The following CADPS2 variants were observed in gnomAD, a reference collection of about 807,000 sequenced individuals.
The protein encoded by CADPS2 is calcium-dependent secretion activator 2.
A neutral mutation model predicts 172.5 loss-of-function variants in CADPS2; 93 were observed. The ratio of observed to expected loss-of-function variants is 0.54; its 90% CI spans 0.46 to 0.64. The LOEUF is 0.64. Ranked by LOEUF, CADPS2 falls within the 30% of genes least tolerant of loss-of-function variation. The pLI, the probability that CADPS2 is intolerant of heterozygous loss-of-function variation, is 0.00. For synonymous variants in CADPS2, 546 were observed against 555.2 expected (o/e 0.98, Z 0.23); for missense variants, 1,420 against 1,565.9 (o/e 0.91, Z 1.57).
intron 2 of CADPS2, among the ~76,000 whole-genome samples, chr7:122,719,589 G>A (rs2090122191): frequency 6.6e-6 from 1 of 152,102 alleles, no homozygotes; most frequent in African/African-American, 2.4e-5. Context: ...TATTCTTGAA[G>A]GTTCTTCACA....
Position 122,502,729 on chromosome 7 carries a change from C to T in CADPS2, c.1542+10520G>A, listed in dbSNP as rs192696131. 9.2e-5 allele frequency among the ~76,000 whole-genome samples: 14 copies of T among 152,072 alleles called. No individual in the cohort carries two copies. The East Asian group carries it at 1.9e-3, about 21-fold the overall frequency. ...TTACAAGAATAAAATAAACCATATG[C>T]GTTTATTTCATTATTATTCTAATTC... On this transcript the variant is annotated intron_variant, in intron 9 of 29. Coordinates refer to ENST00000449022, the MANE Select transcript of CADPS2 (RefSeq NM_017954.11).
At chr7:122,491,623 T>A (rs536080610) in intron 9 of CADPS2, among the ~76,000 whole-genome samples, 1 of 152,174 alleles carries the variant, frequency 6.6e-6, no homozygotes, top group Admixed American at 6.5e-5. Context: ...GGGTCTTCTA[T>A]GCCTATGATC....
intron 14 of CADPS2, among the ~76,000 whole-genome samples, chr7:122,465,287 GAATA>G (rs757441721): frequency 6.6e-6 from 1 of 152,106 alleles, no homozygotes; most frequent in African/African-American, 2.4e-5. Flanking sequence ...ACTGACTCAA[GAATA>G]AATAGAAAGC....
chr7:122,827,088 G>A (rs905650916), intron 1 of CADPS2, among the ~76,000 whole-genome samples: 1 of 152,128 alleles, frequency 6.6e-6, no homozygotes, highest in African/African-American at 2.4e-5. Flanking sequence ...TCAAGAATGA[G>A]ATGGGTGCTA....
chr7:122,845,675 G>T (rs1180128352), intron 1 of CADPS2, among the ~76,000 whole-genome samples: 4 of 152,184 alleles, frequency 2.6e-5, no homozygotes, highest in African/African-American at 7.2e-5. Flanking sequence ...CCAGCCTAGA[G>T]CAGGTTCACA....
intron 3 of CADPS2, among the ~76,000 whole-genome samples, chr7:122,654,443 T>G (rs1588154462): frequency 6.6e-6 from 1 of 152,016 alleles, no homozygotes. Flanking sequence ...AGCTGGTGAG[T>G]TTAGGTTGAA....
At chr7:122,480,476 A>G (rs13362819) in intron 12 of CADPS2, among the ~76,000 whole-genome samples, 46,849 of 152,022 alleles carry the variant, frequency 0.31, 7,604 homozygotes, top group East Asian at 0.38. Flanking sequence ...ATATCCACTG[A>G]ATATTTTAGA....
At chr7:122,401,670 T>A (rs1032818559) in intron 20 of CADPS2, among the ~76,000 whole-genome samples, 2 of 152,214 alleles carry the variant, frequency 1.3e-5, no homozygotes, top group Non-Finnish European at 2.9e-5. Flanking sequence ...TTCAAAAGTG[T>A]TTCCTTAGAT....
intron 1 of CADPS2, among the ~76,000 whole-genome samples, chr7:122,844,240 T>A (rs574374120): frequency 3.3e-5 from 5 of 152,248 alleles, no homozygotes; most frequent in Non-Finnish European, 7.3e-5. Context: ...ACAATCCAGA[T>A]GTAACTAAGT....
At position 122,418,139 on chromosome 7, in the gene CADPS2, C is replaced by T. The variant is rs2048146619; in HGVS notation, c.2477-1975G>A. ...GAGCCAATATCACACCATTGCGCTC[C>T]AGCCTGGGTGACAGAGGGAGACTCC... On this transcript the variant is annotated intron_variant, in intron 17 of 29. Transcript: ENST00000449022. 1.3e-5 allele frequency among the ~76,000 whole-genome samples: 2 copies of T among 150,090 alleles called. 1 individual carries two copies. The highest frequency in any genetic ancestry group is 4.2e-4 in the South Asian group (2 of 4,762).
chr7:122,423,306 T>A (rs2048757352), intron 17 of CADPS2, among the ~76,000 whole-genome samples: 1 of 152,134 alleles, frequency 6.6e-6, no homozygotes, highest in Non-Finnish European at 1.5e-5. Context: ...AATTAGGTAC[T>A]TCCTTGCCCA....
At chr7:122,538,064 G>A (rs887300883) in intron 8 of CADPS2, among the ~76,000 whole-genome samples, 3 of 150,860 alleles carry the variant, frequency 2.0e-5, no homozygotes, top group Admixed American at 6.6e-5. Context: ...ACCTCCAACC[G>A]AAGTTTCCAA....
intron 1 of CADPS2, among the ~76,000 whole-genome samples, chr7:122,840,134 A>G (rs1055761589): frequency 5.9e-5 from 9 of 152,200 alleles, no homozygotes; most frequent in South Asian, 2.1e-4. Flanking sequence ...TTGTAGGGAC[A>G]TGGATGAAGC....
chr7:122,732,874 A>ATAT (rs2091814665), intron 2 of CADPS2, among the ~76,000 whole-genome samples: 3 of 145,794 alleles, frequency 2.1e-5, no homozygotes, highest in Non-Finnish European at 4.5e-5. Flanking sequence ...TATACATTAT[A>ATAT]TATGCTATGT....
chr7:122,381,658 G>A (rs1008635457), intron 24 of CADPS2, among the ~76,000 whole-genome samples: 2 of 151,978 alleles, frequency 1.3e-5, no homozygotes, highest in Non-Finnish European at 2.9e-5. Context: ...TGGACACTAG[G>A]AACCATTAAA....
intron 27 of CADPS2, among the ~76,000 whole-genome samples, chr7:122,351,901 AGT>A (rs2038710463): frequency 6.6e-6 from 1 of 152,252 alleles, no homozygotes; most frequent in Non-Finnish European, 1.5e-5. Context: ...ATGTAGCATT[AGT>A]ATGTTACATT....
chr7:122,322,752 T>C, intron 29 of CADPS2, among the ~76,000 whole-genome samples: 1 of 152,232 alleles, frequency 6.6e-6, no homozygotes, highest in East Asian at 1.9e-4. Flanking sequence ...TGTTTTTTTC[T>C]TAGTGTGCAA....
rs2087591434 is a variant in CADPS2, at chr7:122,706,722, GTA to G, written c.453+30231_453+30232del. 2.1e-5 allele frequency among the ~76,000 whole-genome samples: 3 copies of G among 143,744 alleles called. No individual in the cohort carries two copies. In the East Asian group the frequency reaches 6.1e-4, roughly 29 times the overall value. The allele number at this position is 143,744 out of a possible 152,430, so 94.3% of individuals were successfully genotyped here. The stretch of plus-strand genomic sequence containing the variant: ...ATACATATTCCTTGCTCATATATAT[GTA>G]TATATACTTATATAAGAGCAAGGAA... On this transcript the variant is annotated intron_variant, in intron 2 of 29. Coordinates refer to ENST00000449022, the MANE Select transcript of CADPS2 (RefSeq NM_017954.11).
At chr7:122,859,151 G>C (rs1422409694) in intron 1 of CADPS2, among the ~76,000 whole-genome samples, 1 of 152,068 alleles carries the variant, frequency 6.6e-6, no homozygotes, top group Non-Finnish European at 1.5e-5. Context: ...TCCTAAAACT[G>C]CTTAATATTT....
Sources: gnomAD v4.1 joint callset for allele counts (sites outside exome capture counted in the v4.1 genomes callset) on GRCh38, gnomAD v4.1.1 for gene constraint, MANE v1.5 for transcripts, NCBI Gene and HGNC (gene_info 2026-07-23, HGNC 2026-07-21) for gene names.